The following KCNG3 variants were observed in gnomAD, a reference collection of about 807,000 sequenced individuals.
KCNG3 encodes the protein potassium voltage-gated channel modifier subfamily G member 3, also known as voltage-gated potassium channel regulatory subunit KCNG3.
A neutral mutation model predicts 29.0 loss-of-function variants in KCNG3; 15 were observed. That is an observed-to-expected ratio of 0.52 (90% CI 0.35 to 0.80). KCNG3 has a LOEUF of 0.80. Among genes scored for constraint, KCNG3 ranks in the 30% least tolerant of loss-of-function variants. The probability of loss-of-function intolerance (pLI) is 0.01; values close to 1 mark genes in which losing one functional copy is unlikely to be tolerated. For synonymous variants in KCNG3, 322 were observed against 248.9 expected (o/e 1.29, Z -2.76); for missense variants, 512 against 605.7 (o/e 0.85, Z 1.62).
At chr2:42,452,243 A>ATATATATATATATATATATATTTT in intron 1 of KCNG3, among the ~76,000 whole-genome samples, 20 of 95,034 alleles carry the variant, frequency 2.1e-4, no homozygotes, top group African/African-American at 6.3e-4. Flanking sequence ...ATATATATAT[A>ATATATATATATATATATATATTTT]TTTTTTTTTT....
chr2:42,413,467 C>G, the KCNG3 span, among the ~76,000 whole-genome samples: 2 of 152,102 alleles, frequency 1.3e-5, no homozygotes, highest in Non-Finnish European at 2.9e-5. Context: ...TGCATTCTAC[C>G]AGACTGATAA....
chr2:42,452,436 G>T (rs1400207321), intron 1 of KCNG3, among the ~76,000 whole-genome samples: 1 of 151,356 alleles, frequency 6.6e-6, no homozygotes, highest in South Asian at 2.1e-4. Flanking sequence ...TAGTCACCCT[G>T]TTGTGCTAGC....
intron 1 of KCNG3, among the ~76,000 whole-genome samples, chr2:42,478,763 C>A (rs1347278243): frequency 6.6e-6 from 1 of 152,098 alleles, no homozygotes; most frequent in Non-Finnish European, 1.5e-5. Context: ...AGGGTCCCGT[C>A]TTGGTTATGC....
chr2:42,488,670 C>T (rs1003164991), intron 1 of KCNG3, among the ~76,000 whole-genome samples: 1 of 152,016 alleles, frequency 6.6e-6, no homozygotes, highest in Non-Finnish European at 1.5e-5. Flanking sequence ...CTGCCTCAGC[C>T]TCCTGAGTAG....
chr2:42,429,993 T>TA, the KCNG3 span, among the ~76,000 whole-genome samples: 1 of 152,098 alleles, frequency 6.6e-6, no homozygotes, highest in Non-Finnish European at 1.5e-5. Context: ...AACTAATGAG[T>TA]CTATAAATAC....
the KCNG3 span, among the ~76,000 whole-genome samples, chr2:42,403,371 G>A: frequency 1.3e-5 from 2 of 152,022 alleles, no homozygotes; most frequent in African/African-American, 4.8e-5. Context: ...TCGAACTCCT[G>A]GACTCAAGGG....
the KCNG3 span, chr2:42,415,337 G>A: frequency 6.6e-6 from 1 of 152,170 alleles, no homozygotes. Context: ...TATAGTAACT[G>A]TATTATTGCT....
chr2:42,470,057 G>A (rs34213343), intron 1 of KCNG3: 186,008 of 482,774 alleles, frequency 0.39, 40,919 homozygotes, highest in Admixed American at 0.58. Context: ...ACTTGCTCCT[G>A]ATCTCCCTGA....
At chr2:42,453,719 C>T (rs1473955075) in intron 1 of KCNG3, among the ~76,000 whole-genome samples, 1 of 152,022 alleles carries the variant, frequency 6.6e-6, no homozygotes, top group Non-Finnish European at 1.5e-5. Context: ...TGGGTGTGAT[C>T]CCATTTGTTC....
the KCNG3 span, among the ~76,000 whole-genome samples, chr2:42,426,022 C>T: frequency 1.3e-5 from 2 of 152,174 alleles, no homozygotes; most frequent in African/African-American, 4.8e-5. Context: ...AATGTTCAAG[C>T]TGTAGAGACT....
At chr2:42,441,053 C>A (rs1278215890), downstream of KCNG3, among the ~76,000 whole-genome samples, 1 of 151,984 alleles carries the variant, frequency 6.6e-6, no homozygotes, top group Non-Finnish European at 1.5e-5. Flanking sequence ...GTAAGTATAG[C>A]TAAGAAAGAA....
At chr2:42,490,227 T>C (rs939480039) in intron 1 of KCNG3, among the ~76,000 whole-genome samples, 1 of 152,156 alleles carries the variant, frequency 6.6e-6, no homozygotes, top group African/African-American at 2.4e-5. Context: ...TTTTATTTTG[T>C]TCCCAGGCAG....
chr2:42,449,625 C>A (rs1165743744), intron 1 of KCNG3, among the ~76,000 whole-genome samples: 1 of 150,288 alleles, frequency 6.7e-6, no homozygotes, highest in African/African-American at 2.4e-5. Flanking sequence ...TCAAGCAATT[C>A]TCCTGCCTCA....
intron 1 of KCNG3, chr2:42,463,615 G>A (rs772150024): frequency 2.2e-4 from 38 of 170,020 alleles, no homozygotes; most frequent in Non-Finnish European, 3.4e-4. Flanking sequence ...AACAATCCAC[G>A]GTGCAACCCA....
At chr2:42,428,654 A>G in the KCNG3 span, among the ~76,000 whole-genome samples, 3 of 152,144 alleles carry the variant, frequency 2.0e-5, no homozygotes, top group African/African-American at 4.8e-5. Context: ...AATTAGATCA[A>G]AAGAAGGGAA....
At position 42,493,615 on chromosome 2, in the gene KCNG3, C is replaced by T; in HGVS notation, c.-114G>A. 1.1e-6 allele frequency: 1 copy of T among 945,292 alleles called. No individual in the cohort carries two copies. Among genetic ancestry groups the T allele is most frequent in the Non-Finnish European group, 1.4e-6 (1 of 730,022 alleles). 58.6% of individuals were successfully genotyped at this position (945,292 alleles called of 1,614,324 possible). On this transcript the variant is annotated 5_prime_UTR_variant, in exon 1 of 2. Coordinates refer to ENST00000306078, the MANE Select transcript of KCNG3 (RefSeq NM_133329.6). ...GACGGGGGAGCGCGCCGTCGGGGCC[C>T]GCGCTCCCTCGGGGCTCCGCTCCTG...
the KCNG3 span, among the ~76,000 whole-genome samples, chr2:42,418,578 G>C: frequency 6.6e-6 from 1 of 152,128 alleles, no homozygotes. Context: ...AACTAGTAAA[G>C]AGTTTTTAAA....
At chr2:42,395,933 TG>T in the KCNG3 span, among the ~76,000 whole-genome samples, 2 of 151,952 alleles carry the variant, frequency 1.3e-5, no homozygotes. Context: ...CTGGGCAACA[TG>T]TTGAGCAAAA....
intron 1 of KCNG3, among the ~76,000 whole-genome samples, chr2:42,471,797 C>A (rs1243540884): frequency 4.0e-5 from 6 of 149,704 alleles, no homozygotes; most frequent in African/African-American, 1.2e-4. Flanking sequence ...GGCAGGAGAA[C>A]TGCTCTAGCC....
Sources: allele counts gnomAD v4.1 joint callset (sites outside exome capture counted in the v4.1 genomes callset), GRCh38; gene constraint gnomAD v4.1.1; transcripts MANE v1.5; gene names NCBI Gene and HGNC (gene_info 2026-07-23, HGNC 2026-07-21).